Variants in B9D1 observed in about 807,000 individuals in gnomAD.
B9D1 encodes the protein B9 domain-containing protein 1.
In B9D1, 20 loss-of-function variants were observed where a neutral mutation model predicts 26.1. That is an observed-to-expected ratio of 0.77 (90% CI 0.54 to 1.12). B9D1 has a LOEUF of 1.12. B9D1 is among the 50% of genes most tolerant of loss of function. The pLI is 0.00. For missense variants in B9D1, 260 were observed against 273.7 expected (o/e 0.95, Z 0.35); for synonymous variants, 105 against 103.1 (o/e 1.02, Z -0.11).
chr17:19,360,288 G>A (rs1910874816), intron 2 of B9D1, 32 bp downstream of exon 2: 5 of 1,606,440 alleles, frequency 3.1e-6, no homozygotes, highest in Non-Finnish European at 3.4e-6. Context: ...AAGTCATGAA[G>A]GCGGTAAGGG....
At chr17:19,350,691 A>C (rs973407583) in intron 3 of B9D1, among the ~76,000 whole-genome samples, 4 of 152,188 alleles carry the variant, frequency 2.6e-5, no homozygotes, top group African/African-American at 9.7e-5. Flanking sequence ...TTCACCAGTA[A>C]AAGTGATGTT....
chr17:19,358,249 G>A (rs1315666758), intron 2 of B9D1, among the ~76,000 whole-genome samples: 1 of 152,110 alleles, frequency 6.6e-6, no homozygotes, highest in East Asian at 1.9e-4. Context: ...ACACTCTCCT[G>A]CATCCCCACC....
At chr17:19,340,807 A>G (rs1207815509), downstream of B9D1, 1 of 151,158 alleles carries the variant, frequency 6.6e-6, no homozygotes, top group Non-Finnish European at 1.5e-5. Flanking sequence ...AAAAAAAAAA[A>G]AAAAGAGTTA....
downstream of B9D1, among the ~76,000 whole-genome samples, chr17:19,340,000 G>A (rs1447786934): frequency 6.9e-6 from 1 of 144,846 alleles, no homozygotes; most frequent in Non-Finnish European, 1.5e-5. Context: ...CGTATGCCTC[G>A]ACTGTCCTCA....
chr17:19,335,266 A>T (rs1907350677), downstream of B9D1: 1 of 784,118 alleles, frequency 1.3e-6, no homozygotes, highest in Non-Finnish European at 1.9e-6. Context: ...AAACTGATTG[A>T]CTTTCAGCCT....
At chr17:19,344,590 G>T (rs1006729300) in intron 5 of B9D1, 1 of 217,036 alleles carries the variant, frequency 4.6e-6, no homozygotes, top group Non-Finnish European at 9.8e-6. Flanking sequence ...GCTTCGCCCC[G>T]CCGGGACTCG....
At chr17:19,377,772 C>G (rs1912219338) in intron 1 of B9D1, 1 of 947,682 alleles carries the variant, frequency 1.1e-6, no homozygotes, top group Non-Finnish European at 1.3e-6. Context: ...CGCAGAGGAG[C>G]AGAGGTTGGG....
At chr17:19,338,413 A>G (rs968385312), downstream of B9D1, among the ~76,000 whole-genome samples, 6 of 152,264 alleles carry the variant, frequency 3.9e-5, no homozygotes, top group Admixed American at 1.3e-4. Context: ...CAGAGGCTTC[A>G]GTCCAGGCTC....
At chr17:19,343,704 CG>C (rs1567881898) in intron 6 of B9D1, 85 bp downstream of exon 6, 2 of 1,612,970 alleles carry the variant, frequency 1.2e-6, no homozygotes, top group East Asian at 4.5e-5. Flanking sequence ...GGCAGGTCCC[CG>C]GCATTCACCC....
chr17:19,364,175 G>A (rs1175651897), upstream of B9D1, among the ~76,000 whole-genome samples: 2 of 152,182 alleles, frequency 1.3e-5, no homozygotes, highest in Non-Finnish European at 2.9e-5. This position sits in a 1 kb window ranked among gnomAD's most constrained non-coding sequence, Gnocchi z 4.3. Flanking sequence ...AGTAGTTTAA[G>A]ACCTGGCTAT....
At chr17:19,369,550 G>A (rs1911780275) in intron 1 of B9D1, among the ~76,000 whole-genome samples, 2 of 152,136 alleles carry the variant, frequency 1.3e-5, no homozygotes, top group African/African-American at 2.4e-5. Context: ...ATCACCCAGC[G>A]CCTGAGTGGC....
At chr17:19,343,977 CA>C in intron 5 of B9D1, 120 bp from the exon 6 acceptor site, 1 of 1,451,772 alleles carries the variant, frequency 6.9e-7, no homozygotes, top group South Asian at 1.3e-5. Flanking sequence ...AACCGCACCC[CA>C]CCCCCACCAG....
downstream of B9D1, among the ~76,000 whole-genome samples, chr17:19,340,033 A>AACCC (rs1907774483): frequency 1.8e-5 from 2 of 110,548 alleles, no homozygotes; most frequent in East Asian, 1.0e-3. Flanking sequence ...CACATGCCCA[A>AACCC]CCCCCCCCCC....
At chr17:19,338,398 T>A (rs1237328853), downstream of B9D1, among the ~76,000 whole-genome samples, 1 of 152,252 alleles carries the variant, frequency 6.6e-6, no homozygotes, top group Non-Finnish European at 1.5e-5. Context: ...CTGTTTTGAG[T>A]GAGCCAGAGG....
At position 19,357,868 on chromosome 17, in the gene B9D1, G is replaced by C. The variant is rs142357986; in HGVS notation, c.216C>G (p.Val72=). ...QALVWNFPID[V]TFKSTNPYGW... ...CGTAGGGGTTGGTGCTTTTAAAGGT[G>C]ACATCAATGGGGAAGTTCCACACCA... Residue 72 remains valine, a synonymous_variant, in exon 3 of 7, where the codon GTC becomes GTG. Coordinates refer to ENST00000261499, the MANE Select transcript of B9D1 (RefSeq NM_015681.6). 1.9e-6 allele frequency: 3 copies of C among 1,613,898 alleles called. No homozygotes were observed. Among genetic ancestry groups the C allele is most frequent in the Non-Finnish European group, 2.5e-6 (3 of 1,179,976 alleles).
chr17:19,357,251 C>A (rs1910473522), intron 3 of B9D1, among the ~76,000 whole-genome samples: 1 of 152,206 alleles, frequency 6.6e-6, no homozygotes, highest in African/African-American at 2.4e-5. Flanking sequence ...GGAGACTAAG[C>A]CCAGGCTTTG....
At chr17:19,358,988 C>G (rs1910703392) in intron 2 of B9D1, among the ~76,000 whole-genome samples, 1 of 152,154 alleles carries the variant, frequency 6.6e-6, no homozygotes, top group African/African-American at 2.4e-5. Context: ...GCTGTGAATC[C>G]TAACTCCTCC....
chr17:19,362,345 C>T (rs573443036), intron 1 of B9D1, among the ~76,000 whole-genome samples, 162 bp downstream of exon 1: 3 of 152,218 alleles, frequency 2.0e-5, no homozygotes, highest in Non-Finnish European at 2.9e-5. Context: ...TCCGGGCAAC[C>T]TCGCGCCAAG....
In B9D1 at chr17:19,343,590, A is replaced by G. The variant is rs1386437439; in HGVS notation, c.473-129T>C. 2.5e-6 allele frequency: 4 copies of G among 1,574,738 alleles called. No individual in the cohort carries two copies. In the African/African-American group the frequency reaches 5.4e-5, roughly 21 times the overall value. ...CAACAGTGCCTGACCCAAGCCCCTC[A>G]CTGGGAGGTAAAGGGGCTGCCGGGA... On this transcript the variant is annotated intron_variant, in intron 6 of 6. Transcript: ENST00000261499.
Sources: gnomAD v4.1 joint callset for allele counts (sites outside exome capture counted in the v4.1 genomes callset) on GRCh38, gnomAD v4.1.1 for gene constraint, Gnocchi (gnomAD v3.1) non-coding constraint, MANE v1.5 for transcripts, NCBI Gene and HGNC (gene_info 2026-07-23, HGNC 2026-07-21) for gene names.